KIAA1217: variants seen among roughly 807,000 people sequenced by gnomAD.
KIAA1217 encodes the protein sickle tail protein homolog.
In KIAA1217, 88 loss-of-function variants were observed where a neutral mutation model predicts 163.9. The ratio of observed to expected loss-of-function variants is 0.54; its 90% confidence interval spans 0.45 to 0.64. The LOEUF (loss-of-function observed/expected upper bound fraction) is 0.64, where lower values mean the gene tolerates loss of function less well. KIAA1217 is among the 30% of genes least tolerant of loss of function. KIAA1217 has a pLI of 0.00. For synonymous variants in KIAA1217, 903 were observed against 923.1 expected, an observed-to-expected ratio of 0.98 and a Z score of 0.39; for missense variants, 2,372 against 2,475.0, an observed-to-expected ratio of 0.96 and a Z score of 0.88.
chr10:23,996,495 A>G (rs1293333748), intron 1 of KIAA1217, among the ~76,000 whole-genome samples: 1 of 152,146 alleles, frequency 6.6e-6, no homozygotes, highest in Non-Finnish European at 1.5e-5. Context: ...CTGTGTATCC[A>G]ACACCTGTCA....
chr10:24,270,174 A>T (rs1321392021), intron 2 of KIAA1217, among the ~76,000 whole-genome samples: 2 of 152,232 alleles, frequency 1.3e-5, no homozygotes, highest in African/African-American at 4.8e-5. Flanking sequence ...ATTGATTTTT[A>T]TCATCTTTCT....
intron 2 of KIAA1217, among the ~76,000 whole-genome samples, chr10:24,268,464 A>G (rs537685590): frequency 1.3e-5 from 2 of 151,800 alleles, no homozygotes; most frequent in East Asian, 3.9e-4. Context: ...AAAAATGCTC[A>G]TCATCACTGG....
At chr10:24,391,426 A>C (rs143381768) in intron 3 of KIAA1217, among the ~76,000 whole-genome samples, 1 of 141,942 alleles carries the variant, frequency 7.0e-6, no homozygotes, top group South Asian at 2.2e-4. Flanking sequence ...ACTCACTGCA[A>C]CCTCCACCTC....
At chr10:23,902,036 C>A (rs1841978980) in intron 1 of KIAA1217, among the ~76,000 whole-genome samples, 1 of 151,894 alleles carries the variant, frequency 6.6e-6, no homozygotes. Context: ...AATACAGAGC[C>A]TTTACAACAA....
chr10:23,772,388 T>A (rs962602112), intron 1 of KIAA1217, among the ~76,000 whole-genome samples: 2 of 152,170 alleles, frequency 1.3e-5, no homozygotes, highest in African/African-American at 4.8e-5. Flanking sequence ...GTTAAAAATG[T>A]ACCTGAAAAT....
chr10:23,852,871 C>G (rs1024781922), intron 1 of KIAA1217, among the ~76,000 whole-genome samples: 1 of 152,114 alleles, frequency 6.6e-6, no homozygotes, highest in Non-Finnish European at 1.5e-5. Context: ...ATTTTGTATC[C>G]TGAGACTGCT....
intron 2 of KIAA1217, among the ~76,000 whole-genome samples, chr10:24,069,542 T>C (rs375879856): frequency 3.9e-5 from 6 of 152,144 alleles, no homozygotes; most frequent in African/African-American, 1.4e-4. Flanking sequence ...CCCCTCCTCC[T>C]GAAGAAACTG....
At chr10:24,391,602 C>T (rs1310631328) in intron 3 of KIAA1217, among the ~76,000 whole-genome samples, 3 of 152,096 alleles carry the variant, frequency 2.0e-5, no homozygotes, top group Admixed American at 6.5e-5. Context: ...ACCTCAGCCT[C>T]CCAAAGTGAT....
chr10:24,449,959 T>G (rs1425548051), intron 5 of KIAA1217, among the ~76,000 whole-genome samples: 1 of 152,252 alleles, frequency 6.6e-6, no homozygotes, highest in Non-Finnish European at 1.5e-5. Flanking sequence ...ATTCTGTTTT[T>G]TTGAAATCCA....
chr10:24,062,733 G>A (rs1185178121), intron 2 of KIAA1217, among the ~76,000 whole-genome samples: 2 of 151,886 alleles, frequency 1.3e-5, no homozygotes, highest in Admixed American at 6.5e-5. Context: ...CACAATGGTT[G>A]AACTAGTTTA....
At chr10:24,209,481 A>C (rs2067798144) in intron 1 of KIAA1217, among the ~76,000 whole-genome samples, 1 of 152,140 alleles carries the variant, frequency 6.6e-6, no homozygotes, top group African/African-American at 2.4e-5. Flanking sequence ...GCAGCAAAAG[A>C]GGTGGTGGGG....
intron 1 of KIAA1217, among the ~76,000 whole-genome samples, chr10:23,886,041 G>T (rs572416078): frequency 2.0e-5 from 3 of 151,854 alleles, no homozygotes; most frequent in Non-Finnish European, 4.4e-5. Context: ...GTACTTACGC[G>T]TATTTCCTGT....
In KIAA1217 at chr10:24,065,340, G is replaced by A. The variant is rs1347225262; in HGVS notation, c.-171+57966G>A. On this transcript the variant is annotated intron_variant, in intron 2 of 18. Coordinates refer to the KIAA1217 transcript ENST00000376462. ...TGTGTCCCAGAGATTCTGGTATGTT[G>A]TGTCTTTGTTCTCGTTGGTTTCAAA... Among the ~76,000 whole-genome samples the A allele has an allele frequency of 3.3e-5, 5 of 151,922 alleles. No homozygotes were observed. The East Asian group carries it at 9.6e-4, about 29-fold the overall frequency.
At chr10:24,189,047 A>C (rs1186303711) in intron 2 of KIAA1217, among the ~76,000 whole-genome samples, 1 of 150,246 alleles carries the variant, frequency 6.7e-6, no homozygotes, top group Non-Finnish European at 1.5e-5. Flanking sequence ...TGGAGCTTGC[A>C]GTGAGCCAAG....
chr10:24,184,802 G>A (rs1301662889), intron 2 of KIAA1217, among the ~76,000 whole-genome samples: 1 of 152,128 alleles, frequency 6.6e-6, no homozygotes, highest in Non-Finnish European at 1.5e-5. Context: ...TTTTGGCTCT[G>A]GCCCCATAGG....
In KIAA1217 at chr10:24,473,670, G is replaced by T. The variant is rs183074762; in HGVS notation, c.1289G>T (p.Arg430Leu). Residue 430 changes from arginine (R) to leucine (L), a missense_variant, in exon 6 of 21, where the codon CGG becomes CTG. Around this residue, in one of 3 missense-constraint regions of KIAA1217, gnomAD observed 1,431 missense variants for 1,470.3 expected, o/e 0.97. Coordinates refer to ENST00000376454, the MANE Select transcript of KIAA1217 (RefSeq NM_019590.5). ...HIIAYHRTAI[R>L]SASAYCNPSM... ...ATTGCATATCACCGCACCGCCATCC[G>T]GTCAGCGAGTGCTTATTGTAACCCC... 1 of 1,613,988 alleles carries T rather than the reference G, an allele frequency of 6.2e-7. No homozygotes were observed. The highest frequency in any genetic ancestry group is 2.2e-5 in the East Asian group (1 of 44,846).
chr10:24,460,852 A>G (rs944025819), intron 5 of KIAA1217, among the ~76,000 whole-genome samples: 5 of 152,122 alleles, frequency 3.3e-5, no homozygotes, highest in African/African-American at 1.2e-4. Context: ...GAAAAGCTAT[A>G]ATCAAAGAAG....
chr10:23,728,516 T>G (rs1034444503), intron 1 of KIAA1217, among the ~76,000 whole-genome samples: 17 of 152,102 alleles, frequency 1.1e-4, no homozygotes, highest in Admixed American at 3.9e-4. Context: ...GGTTTTTTTT[T>G]TTGTTGTAAA....
chr10:23,759,033 G>C (rs1834099750), intron 1 of KIAA1217, among the ~76,000 whole-genome samples: 1 of 151,978 alleles, frequency 6.6e-6, no homozygotes, highest in African/African-American at 2.4e-5. Context: ...CGTCTTAATA[G>C]GTTTTTCAAC....
Sources: gnomAD v4.1 joint callset for allele counts (sites outside exome capture counted in the v4.1 genomes callset) on GRCh38, gnomAD v4.1.1 for gene constraint, gnomAD v4.1.1 regional missense constraint, MANE v1.5 for transcripts, NCBI Gene and HGNC (gene_info 2026-07-23, HGNC 2026-07-21) for gene names.